Variants in CLIP1 observed in about 807,000 individuals in gnomAD.
CLIP1 encodes the protein CAP-Gly domain containing linker protein 1.
CLIP1 carries 66 observed loss-of-function variants against 161.6 expected under a neutral mutation model. The ratio of observed to expected loss-of-function variants is 0.41; its 90% CI spans 0.33 to 0.50. The LOEUF (loss-of-function observed/expected upper bound fraction) is 0.50. Among genes scored for constraint, CLIP1 ranks in the 20% least tolerant of loss-of-function variants. The pLI is 0.27. For missense variants in CLIP1, 1,376 were observed against 1,702.0 expected (o/e 0.81, Z 3.37); for synonymous variants, 598 against 626.2 (o/e 0.96, Z 0.67).
Position 122,288,470 on chromosome 12 carries a change from C to A in CLIP1, c.3647+19G>T. The A allele has an allele frequency of 6.3e-7, 1 of 1,597,782 alleles. No homozygotes were observed. The highest frequency in any genetic ancestry group is 8.5e-7 in the Non-Finnish European group (1 of 1,172,636). On this transcript the variant is annotated intron_variant, in intron 21 of 25. Coordinates refer to ENST00000620786, the MANE Select transcript of CLIP1 (RefSeq NM_001247997.2). ...TCTTATTAAACACACACACATACAACAATAAACAGAAAGCTTACCTTTTTT... is the reference window on the plus strand; with the variant it reads ...TCTTATTAAACACACACACATACAAAAATAAACAGAAAGCTTACCTTTTTT...
intron 1 of CLIP1, among the ~76,000 whole-genome samples, chr12:122,397,534 C>T (rs1177466927): frequency 8.6e-6 from 1 of 116,260 alleles, no homozygotes; most frequent in South Asian, 2.8e-4. Context: ...GTCTGGGCGA[C>T]AGAGCCAGAC....
At chr12:122,304,951 G>A (rs1487294470) in intron 20 of CLIP1, among the ~76,000 whole-genome samples, 1 of 152,164 alleles carries the variant, frequency 6.6e-6, no homozygotes, top group African/African-American at 2.4e-5. Context: ...TAAATGGCAG[G>A]TGACTATTCA....
chr12:122,407,501 G>A (rs1044898301), intron 1 of CLIP1, among the ~76,000 whole-genome samples: 1 of 151,712 alleles, frequency 6.6e-6, no homozygotes, highest in Non-Finnish European at 1.5e-5. Context: ...TTGAGCCCAG[G>A]AGTTCAAAAC....
intron 20 of CLIP1, among the ~76,000 whole-genome samples, chr12:122,289,187 T>A (rs574725089): frequency 6.6e-6 from 1 of 151,188 alleles, no homozygotes; most frequent in Non-Finnish European, 1.5e-5. Context: ...ATCTCAGCAC[T>A]TTGGTGGGGC....
At chr12:122,392,171 C>T (rs952252966) in intron 1 of CLIP1, among the ~76,000 whole-genome samples, 4 of 151,826 alleles carry the variant, frequency 2.6e-5, no homozygotes, top group Non-Finnish European at 5.9e-5. Flanking sequence ...CTCAGGAGGC[C>T]GAGGCAGGAG....
intron 20 of CLIP1, among the ~76,000 whole-genome samples, chr12:122,308,504 A>G (rs1950956480): frequency 6.6e-6 from 1 of 152,186 alleles, no homozygotes; most frequent in Non-Finnish European, 1.5e-5. Context: ...AGGAGAGTGC[A>G]GTGACCCTAG....
intron 20 of CLIP1, among the ~76,000 whole-genome samples, chr12:122,300,080 A>G (rs571735033): frequency 6.6e-6 from 1 of 152,330 alleles, no homozygotes; most frequent in East Asian, 1.9e-4. Flanking sequence ...CATCATAGCG[A>G]GACCCTTCTC....
chr12:122,391,760 C>A (rs887650336), intron 1 of CLIP1, among the ~76,000 whole-genome samples: 1 of 152,028 alleles, frequency 6.6e-6, no homozygotes, highest in Non-Finnish European at 1.5e-5. Context: ...TAGTATTTAG[C>A]GCGTTAGATA....
At chr12:122,328,865 G>A (rs1004174014) in intron 15 of CLIP1, among the ~76,000 whole-genome samples, 2 of 152,166 alleles carry the variant, frequency 1.3e-5, no homozygotes, top group Admixed American at 6.5e-5. Context: ...ACAGGCGTGA[G>A]CCACCATGCC....
intron 1 of CLIP1, among the ~76,000 whole-genome samples, chr12:122,409,888 T>TA (rs398021432): frequency 1.3e-5 from 2 of 150,448 alleles, no homozygotes; most frequent in African/African-American, 4.9e-5. Flanking sequence ...TTTTTTTTTT[T>TA]GAGACTGAGT....
chr12:122,398,331 A>G (rs1956007756), intron 1 of CLIP1, among the ~76,000 whole-genome samples: 1 of 151,012 alleles, frequency 6.6e-6, no homozygotes, highest in South Asian at 2.1e-4. Context: ...TGGGAGGCTG[A>G]GGAGAATAGC....
At position 122,279,017 on chromosome 12, in the gene CLIP1, T is replaced by A. The variant is rs776561836; in HGVS notation, c.3765+11A>T. ...CGCGTGAAAGCTCGTGCACCCTGGG[T>A]GGTACTCTACCTCATTTCTCAGTTT... On this transcript the variant is annotated intron_variant, in intron 22 of 25. Coordinates refer to ENST00000620786, the MANE Select transcript of CLIP1 (RefSeq NM_001247997.2). This position sits in a 1 kb window ranked among gnomAD's most constrained non-coding sequence, Gnocchi z 4.5. The A allele has an allele frequency of 3.3e-5, 53 of 1,610,960 alleles. No homozygotes were observed. In the South Asian group the frequency reaches 5.6e-4, roughly 17 times the overall value.
intron 17 of CLIP1, among the ~76,000 whole-genome samples, chr12:122,326,372 C>T (rs1374964396): frequency 2.6e-5 from 4 of 152,028 alleles, no homozygotes; most frequent in Non-Finnish European, 5.9e-5. Context: ...TGGCTCACGC[C>T]TGCAACCCCA....
chr12:122,351,057 G>A, intron 9 of CLIP1, 54 bp downstream of exon 9: 1 of 1,326,014 alleles, frequency 7.5e-7, no homozygotes, highest in Non-Finnish European at 1.0e-6. Context: ...ATTTTAATCT[G>A]TGATCAATCT....
intron 3 of CLIP1, among the ~76,000 whole-genome samples, chr12:122,364,506 G>A (rs1469126730): frequency 6.6e-6 from 1 of 151,820 alleles, no homozygotes; most frequent in Non-Finnish European, 1.5e-5. Flanking sequence ...CGGGCTAGGG[G>A]ATCTTCCCAC....
intron 19 of CLIP1, among the ~76,000 whole-genome samples, chr12:122,313,017 G>A (rs139230711): frequency 5.9e-4 from 90 of 152,208 alleles, no homozygotes; most frequent in African/African-American, 2.0e-3. Context: ...ACCGCAGAAG[G>A]CCCTGGAAAT....
At position 122,278,217 on chromosome 12, in the gene CLIP1, A is replaced by AG. The variant is rs1955510616; in HGVS notation, c.3917-15_3917-14insC. ...TGTCTGTATTACCTTATATTTGAGG[A>AG]AAAAAAAAAAAAAACAAGTGGAGGG... On this transcript the variant is annotated splice_polypyrimidine_tract_variant and intron_variant, in intron 23 of 25. Transcript: ENST00000620786. The AG allele has an allele frequency of 1.3e-6, 1 of 786,188 alleles. No individual in the cohort carries two copies. The highest frequency in any genetic ancestry group is 4.0e-5 in the African/African-American group (1 of 24,932). The allele number at this position is 786,188 out of a possible 1,614,324, so 48.7% of individuals were successfully genotyped here. A position where few individuals can be genotyped will look rare whatever the true frequency, so the allele number is the denominator to read the frequency against.
chr12:122,410,346 C>T (rs958098876), intron 1 of CLIP1, among the ~76,000 whole-genome samples: 8 of 151,886 alleles, frequency 5.3e-5, no homozygotes, highest in East Asian at 3.8e-4. Context: ...CTTTTGTATA[C>T]CATTTTCATT....
At chr12:122,354,160 T>A (rs1023384594) in intron 7 of CLIP1, among the ~76,000 whole-genome samples, 2 of 151,810 alleles carry the variant, frequency 1.3e-5, no homozygotes, top group African/African-American at 4.8e-5. Flanking sequence ...TTTGGGAGGC[T>A]GAGGCAGATG....
Sources: allele counts gnomAD v4.1 joint callset (sites outside exome capture counted in the v4.1 genomes callset), GRCh38; gene constraint gnomAD v4.1.1; non-coding constraint Gnocchi (gnomAD v3.1); transcripts MANE v1.5; gene names NCBI Gene and HGNC (gene_info 2026-07-23, HGNC 2026-07-21).